Variants in PEX14 observed in about 807,000 individuals in gnomAD.
The protein encoded by PEX14 is peroxisomal membrane protein PEX14.
In PEX14, 15 loss-of-function variants were observed where a neutral mutation model predicts 49.5. That is an observed-to-expected ratio of 0.30 (90% CI 0.20 to 0.47). PEX14 has a LOEUF of 0.47. Among genes scored for constraint, PEX14 ranks in the 20% least tolerant of loss-of-function variants. The pLI, the probability that PEX14 is intolerant of heterozygous loss-of-function variation, is 1.00. For missense variants in PEX14, 398 were observed against 494.8 expected, an observed-to-expected ratio of 0.80 and a Z score of 1.86; for synonymous variants, 210 against 212.7, an observed-to-expected ratio of 0.99 and a Z score of 0.11.
At chr1:10,475,105 TG>T in intron 1 of PEX14, 103 bp downstream of exon 1, 4 of 1,155,786 alleles carry the variant, frequency 3.5e-6, no homozygotes, top group Non-Finnish European at 5.1e-6. Context: ...TCTCCGAAGC[TG>T]GGGACCCCGA....
intron 2 of PEX14, among the ~76,000 whole-genome samples, chr1:10,515,693 G>C (rs147174821): frequency 6.6e-6 from 1 of 152,138 alleles, no homozygotes; most frequent in Non-Finnish European, 1.5e-5. Flanking sequence ...GAATGTCTTG[G>C]TTGAAAAACC....
At chr1:10,550,721 G>A (rs1199752923) in intron 3 of PEX14, among the ~76,000 whole-genome samples, 2 of 152,160 alleles carry the variant, frequency 1.3e-5, no homozygotes, top group African/African-American at 4.8e-5. Flanking sequence ...TGAGACATAT[G>A]GAAGCCCACC....
At chr1:10,542,709 C>T (rs1388086092) in intron 3 of PEX14, among the ~76,000 whole-genome samples, 1 of 150,698 alleles carries the variant, frequency 6.6e-6, no homozygotes, top group African/African-American at 2.4e-5. Context: ...TGCAGTGAGC[C>T]GAGATCGTGT....
At chr1:10,556,389 T>TG (rs984450294) in intron 3 of PEX14, among the ~76,000 whole-genome samples, 2 of 152,038 alleles carry the variant, frequency 1.3e-5, no homozygotes, top group African/African-American at 4.8e-5. Context: ...GGACTTGGGT[T>TG]GGGGGGTGCC....
chr1:10,538,590 G>T (rs1212712719), intron 3 of PEX14, among the ~76,000 whole-genome samples: 1 of 152,252 alleles, frequency 6.6e-6, no homozygotes, highest in Non-Finnish European at 1.5e-5. Context: ...GGTTTGATCG[G>T]TGTCTGGGGA....
chr1:10,490,723 A>C (rs1346730053), intron 1 of PEX14, among the ~76,000 whole-genome samples: 1 of 117,630 alleles, frequency 8.5e-6, no homozygotes, highest in Non-Finnish European at 1.7e-5. Context: ...TTTTTTTCTG[A>C]GACAGTCTTA....
chr1:10,597,656 A>G lies in PEX14; in HGVS notation c.170-1582A>G, dbSNP rs1164215564. ...TCCAGCCCACCAATCTGTTGAGAGC[A>G]TGGTGCTATCAGGGCAACCCGGTGG... On this transcript the variant is annotated intron_variant, in intron 3 of 8. Transcript: ENST00000356607. This position sits in a 1 kb window ranked among gnomAD's most constrained non-coding sequence, Gnocchi z 5.7. Among the ~76,000 whole-genome samples, 5 of 152,208 alleles carry G rather than the reference A, an allele frequency of 3.3e-5. No homozygotes were observed. Among genetic ancestry groups the G allele is most frequent in the Admixed American group, 6.5e-5 (1 of 15,286 alleles).
chr1:10,490,242 C>T (rs996172628), intron 1 of PEX14, among the ~76,000 whole-genome samples: 1 of 152,088 alleles, frequency 6.6e-6, no homozygotes, highest in Non-Finnish European at 1.5e-5. Flanking sequence ...TCTTATTCTT[C>T]CCAGCAGAGA....
chr1:10,574,902 G>A (rs1640077188), intron 3 of PEX14, among the ~76,000 whole-genome samples: 1 of 152,078 alleles, frequency 6.6e-6, no homozygotes, highest in Admixed American at 6.6e-5. Flanking sequence ...TTGAGGCCAG[G>A]AGTTCGAGAC....
intron 4 of PEX14, among the ~76,000 whole-genome samples, chr1:10,602,545 T>A (rs1641016628): frequency 6.6e-6 from 1 of 152,236 alleles, no homozygotes; most frequent in East Asian, 1.9e-4. Flanking sequence ...AAATATCTTT[T>A]ATTTGACATG....
intron 3 of PEX14, among the ~76,000 whole-genome samples, chr1:10,541,196 T>C (rs1638998692): frequency 6.6e-6 from 1 of 151,854 alleles, no homozygotes; most frequent in Non-Finnish European, 1.5e-5. Context: ...CAACCAAGGG[T>C]TCTGGTTTGC....
At chr1:10,550,131 G>A (rs1639294615) in intron 3 of PEX14, among the ~76,000 whole-genome samples, 1 of 152,194 alleles carries the variant, frequency 6.6e-6, no homozygotes, top group African/African-American at 2.4e-5. Context: ...TAAGCAAGGT[G>A]CTGTGAGAGA....
chr1:10,618,680 G>C (rs1641503350), intron 5 of PEX14, among the ~76,000 whole-genome samples: 1 of 152,230 alleles, frequency 6.6e-6, no homozygotes, highest in Admixed American at 6.5e-5. Flanking sequence ...GCGTCGTGAG[G>C]TCTGTCCCTT....
rs535267848 is a variant in PEX14, at chr1:10,529,494, A to C, written c.85-6719A>C. Among the ~76,000 whole-genome samples the C allele has an allele frequency of 4.6e-5, 7 of 152,366 alleles. No homozygotes were observed. The highest frequency in any genetic ancestry group is 1.7e-4 in the African/African-American group (7 of 41,598). ...TTTTTATTTCAATATACATTTCTGG[A>C]AGAACTACTTTAATCAAATAACAAA... On this transcript the variant is annotated intron_variant, in intron 2 of 8. Transcript: ENST00000356607. This position sits in a 1 kb window ranked among gnomAD's most constrained non-coding sequence, Gnocchi z 4.2.
At chr1:10,592,153 C>T (rs186431828) in intron 3 of PEX14, among the ~76,000 whole-genome samples, 1 of 152,258 alleles carries the variant, frequency 6.6e-6, no homozygotes, top group Admixed American at 6.5e-5. Context: ...CATGCATGCA[C>T]AAACACACGT....
Position 10,515,921 on chromosome 1 carries a change from G to T in PEX14, c.85-20292G>T, listed in dbSNP as rs551586618. Among the ~76,000 whole-genome samples the T allele has an allele frequency of 3.9e-5, 6 of 152,298 alleles. No individual in the cohort carries two copies. In the South Asian group the frequency reaches 1.2e-3, roughly 32 times the overall value. On this transcript the variant is annotated intron_variant, in intron 2 of 8. Coordinates refer to ENST00000356607, the MANE Select transcript of PEX14 (RefSeq NM_004565.3). ...CGATATCCTATATTAGCCTCTGTGT[G>T]TTGGGCATAACGATGGCAGGTAGCC...
At chr1:10,517,703 TTA>T (rs1641995831) in intron 2 of PEX14, among the ~76,000 whole-genome samples, 1 of 151,866 alleles carries the variant, frequency 6.6e-6, no homozygotes, top group Non-Finnish European at 1.5e-5. Context: ...TTTTTTTTTT[TTA>T]AATGAAGGTT....
chr1:10,542,482 C>T (rs186928694), intron 3 of PEX14, among the ~76,000 whole-genome samples: 2 of 152,330 alleles, frequency 1.3e-5, no homozygotes, highest in East Asian at 3.9e-4. Context: ...CTAGTCCCGG[C>T]TGGGCGCGGT....
rs1570366464 is a variant in PEX14 at position 10,623,186 on chromosome 1, C to T, written c.487+65C>T. 1 of 965,542 alleles carries T rather than the reference C, an allele frequency of 1.0e-6. No individual in the cohort carries two copies. Among genetic ancestry groups the T allele is most frequent in the African/African-American group, 1.6e-5 (1 of 62,634 alleles). 59.8% of individuals were successfully genotyped at this position (965,542 alleles called of 1,614,324 possible). Reference sequence around the variant, plus strand: ...TTCTCCAAGCAGCCCCTTCTCTGCCCCTCCCCTCTCCCTCTGTCTCCACTC... The same window carrying T: ...TTCTCCAAGCAGCCCCTTCTCTGCCTCTCCCCTCTCCCTCTGTCTCCACTC... On this transcript the variant is annotated intron_variant, in intron 6 of 8. Coordinates refer to ENST00000356607, the MANE Select transcript of PEX14 (RefSeq NM_004565.3). This position sits in a 1 kb window ranked among gnomAD's most constrained non-coding sequence, Gnocchi z 4.4.
Sources: gnomAD v4.1 joint callset for allele counts (sites outside exome capture counted in the v4.1 genomes callset) on GRCh38, gnomAD v4.1.1 for gene constraint, Gnocchi (gnomAD v3.1) non-coding constraint, MANE v1.5 for transcripts, NCBI Gene and HGNC (gene_info 2026-07-23, HGNC 2026-07-21) for gene names.